The following DAB1 variants were observed in gnomAD, a reference collection of about 807,000 sequenced individuals.
The protein encoded by DAB1 is DAB adaptor protein 1.
Under a neutral mutation model 64.6 loss-of-function variants are expected in DAB1, and 15 were observed. The ratio of observed to expected loss-of-function variants is 0.23; its 90% CI spans 0.16 to 0.36. The LOEUF is 0.36. DAB1 is among the 10% of genes least tolerant of loss of function. The pLI is 1.00. For synonymous variants in DAB1, 235 were observed against 251.9 expected, an observed-to-expected ratio of 0.93 and a Z score of 0.64; for missense variants, 596 against 706.7, an observed-to-expected ratio of 0.84 and a Z score of 1.78.
rs1451532147 is a variant in DAB1, at chr1:58,192,188, A to G, written n.310-41600T>C. Among the ~76,000 whole-genome samples the G allele has an allele frequency of 3.3e-5, 5 of 152,196 alleles. No homozygotes were observed. In the South Asian group the frequency reaches 8.3e-4, roughly 25 times the overall value. On this transcript the variant is annotated intron_variant and non_coding_transcript_variant, in intron 4 of 20. Transcript: ENST00000485760. The stretch of plus-strand genomic sequence containing the variant: ...GAAGGCACCTAGAACAGTCAAACTC[A>G]TAGAGATAGAAACAGAAAGAAGATA...
At chr1:57,400,125 C>T (rs148858870) in intron 1 of DAB1, among the ~76,000 whole-genome samples, 7 of 152,264 alleles carry the variant, frequency 4.6e-5, no homozygotes, top group East Asian at 1.9e-4. Flanking sequence ...TACTTGGCAA[C>T]GCAAAGGGCT....
chr1:57,659,586 C>A (rs1646360790), intron 6 of DAB1, among the ~76,000 whole-genome samples: 1 of 152,104 alleles, frequency 6.6e-6, no homozygotes, highest in African/African-American at 2.4e-5. Context: ...CCTTCCCTGA[C>A]CAGTGTGCTC....
rs542177286 is a variant in DAB1 at position 58,313,852 on chromosome 1, T to A, written n.309+29500A>T. 3.5e-3 allele frequency among the ~76,000 whole-genome samples: 506 copies of A among 144,480 alleles called. 2 individuals carry two copies. Among genetic ancestry groups the A allele is most frequent in the African/African-American group, 0.013 (474 of 37,916 alleles). 94.8% of individuals were successfully genotyped at this position (144,480 alleles called of 152,430 possible). A position where few individuals can be genotyped will look rare whatever the true frequency, so the allele number is the denominator to read the frequency against. ...GTGTGTGTGTGTGTGTGTGTGTGTG[T>A]GTGTGAGAGAGAGAGAGAGAGAGAG... On this transcript the variant is annotated intron_variant and non_coding_transcript_variant, in intron 4 of 20. Transcript: ENST00000485760.
intron 1 of DAB1, among the ~76,000 whole-genome samples, chr1:57,342,008 C>T (rs1400615972): frequency 6.6e-6 from 1 of 152,218 alleles, no homozygotes; most frequent in Non-Finnish European, 1.5e-5. Context: ...TACCATATTT[C>T]ATCCTGAACA....
intron 7 of DAB1, among the ~76,000 whole-genome samples, chr1:57,451,423 G>A (rs148023893): frequency 6.6e-6 from 1 of 152,284 alleles, no homozygotes; most frequent in African/African-American, 2.4e-5. Flanking sequence ...TTTAGTGGGA[G>A]ATACCTGGGT....
intron 6 of DAB1, among the ~76,000 whole-genome samples, chr1:57,676,698 A>G (rs1646571097): frequency 6.6e-6 from 1 of 152,112 alleles, no homozygotes; most frequent in African/African-American, 2.4e-5. Flanking sequence ...ATTTTCTACC[A>G]TTACTCACCT....
Position 58,303,548 on chromosome 1 carries a change from CA to C in DAB1, n.309+39803del, listed in dbSNP as rs147591391. ...GAGCCAAAGCATCATAGCTGAAATC[CA>C]AAAGATGATGTCCAAACCAGAGATG... On this transcript the variant is annotated intron_variant and non_coding_transcript_variant, in intron 4 of 20. Coordinates refer to the DAB1 transcript ENST00000485760. Among the ~76,000 whole-genome samples the C allele has an allele frequency of 7.5e-4, 114 of 152,238 alleles. 2 individuals carry two copies. In the East Asian group the frequency reaches 0.018, roughly 24 times the overall value.
chr1:58,486,289 T>A (rs1331043219), intron 3 of DAB1, among the ~76,000 whole-genome samples: 1 of 152,188 alleles, frequency 6.6e-6, no homozygotes, highest in African/African-American at 2.4e-5. Flanking sequence ...TGAAGAAAAC[T>A]AAAGGTTGGA....
chr1:57,640,776 G>A (rs1189876455), intron 7 of DAB1, among the ~76,000 whole-genome samples: 1 of 152,202 alleles, frequency 6.6e-6, no homozygotes. Flanking sequence ...CCCAGAGCTA[G>A]TGTCCCCAGC....
At chr1:58,099,790 T>G (rs918225673) in intron 5 of DAB1, among the ~76,000 whole-genome samples, 3 of 152,190 alleles carry the variant, frequency 2.0e-5, no homozygotes, top group African/African-American at 7.2e-5. Flanking sequence ...GGAAAAAAGT[T>G]TATTGTGCAA....
chr1:57,206,552 C>T (rs1665554755), intron 2 of DAB1, among the ~76,000 whole-genome samples: 1 of 152,198 alleles, frequency 6.6e-6, no homozygotes, highest in Non-Finnish European at 1.5e-5. Flanking sequence ...CCCATTTGTT[C>T]TTCTTACTGA....
intron 7 of DAB1, among the ~76,000 whole-genome samples, chr1:57,640,789 A>G (rs1157939276): frequency 6.6e-6 from 1 of 152,226 alleles, no homozygotes; most frequent in Non-Finnish European, 1.5e-5. Flanking sequence ...TCCCCAGCTG[A>G]GACACTGATA....
At chr1:57,118,115 C>T (rs1225758642) in intron 4 of DAB1, among the ~76,000 whole-genome samples, 4 of 152,180 alleles carry the variant, frequency 2.6e-5, no homozygotes, top group Admixed American at 1.3e-4. Flanking sequence ...TGGTGTATCT[C>T]TTGGATCTGA....
intron 3 of DAB1, among the ~76,000 whole-genome samples, chr1:58,392,759 C>T (rs1229664386): frequency 6.6e-6 from 1 of 152,204 alleles, no homozygotes; most frequent in Admixed American, 6.5e-5. Context: ...TCCTGTTCAC[C>T]TCTCCACTGA....
chr1:58,457,517 A>G (rs1164049475), intron 3 of DAB1, among the ~76,000 whole-genome samples: 1 of 152,234 alleles, frequency 6.6e-6, no homozygotes, highest in Non-Finnish European at 1.5e-5. Flanking sequence ...CAGATTAGGG[A>G]AAAAAATCCC....
chr1:58,121,119 T>C (rs1652710195), intron 5 of DAB1, among the ~76,000 whole-genome samples: 1 of 151,934 alleles, frequency 6.6e-6, no homozygotes, highest in African/African-American at 2.4e-5. Context: ...GGATCTTTGA[T>C]TTTTTTTCCC....
At chr1:57,292,647 C>T (rs2100670568) in intron 1 of DAB1, among the ~76,000 whole-genome samples, 1 of 152,090 alleles carries the variant, frequency 6.6e-6, no homozygotes, top group South Asian at 2.1e-4. Context: ...TAATATTTAC[C>T]ATTTCATTGC....
At position 57,197,073 on chromosome 1, in the gene DAB1, C is replaced by T. The variant is rs374759032; in HGVS notation, c.68-51644G>A. 4.6e-5 allele frequency among the ~76,000 whole-genome samples: 7 copies of T among 152,298 alleles called. No individual in the cohort carries two copies. In the East Asian group the frequency reaches 7.7e-4, roughly 17 times the overall value. On this transcript the variant is annotated intron_variant, in intron 2 of 14. Coordinates refer to ENST00000371236, the MANE Select transcript of DAB1 (RefSeq NM_001365792.1). ...TAACTTGGCCAGGCGCCGTGGCTAA[C>T]GCCTGTAATCCCAACACTTTGGGAG...
chr1:57,218,768 A>C (rs927330482), intron 2 of DAB1, among the ~76,000 whole-genome samples: 11 of 152,078 alleles, frequency 7.2e-5, no homozygotes, highest in Non-Finnish European at 1.5e-4. Context: ...TCCTCAAGAG[A>C]GCTGGGTGCA....
Sources: gnomAD v4.1 joint callset for allele counts (sites outside exome capture counted in the v4.1 genomes callset) on GRCh38, gnomAD v4.1.1 for gene constraint, MANE v1.5 for transcripts, NCBI Gene and HGNC (gene_info 2026-07-23, HGNC 2026-07-21) for gene names.